The following APOB variants were observed in gnomAD, a reference collection of about 807,000 sequenced individuals.
APOB encodes the protein apolipoprotein B-100.
APOB carries 153 observed loss-of-function variants against 314.1 expected under a neutral mutation model. The observed-to-expected ratio is 0.49, with a 90% CI of 0.43 to 0.56. APOB has a LOEUF of 0.56. APOB is among the 20% of genes least tolerant of loss of function. The pLI, the probability that APOB is intolerant of heterozygous loss-of-function variation, is 0.00. For synonymous variants in APOB, 2,087 were observed against 2,036.4 expected, an observed-to-expected ratio of 1.02 and a Z score of -0.67; for missense variants, 5,430 against 5,350.7, an observed-to-expected ratio of 1.01 and a Z score of -0.46.
At chr2:21,013,685 G>T in intron 24 of APOB, 152 bp from the exon 25 acceptor site, 1 of 1,062,504 alleles carries the variant, frequency 9.4e-7, no homozygotes, top group Non-Finnish European at 1.4e-6. Context: ...GGACCCCTTT[G>T]CTTTTACCTC....
At chr2:21,036,041 A>G (rs1414987754) in intron 6 of APOB, among the ~76,000 whole-genome samples, 1 of 152,132 alleles carries the variant, frequency 6.6e-6, no homozygotes, top group African/African-American at 2.4e-5. Flanking sequence ...TCTTTCATTT[A>G]CATATTCTTT....
At chr2:21,012,738 C>G in intron 25 of APOB, 87 bp from the exon 26 acceptor site, 1 of 1,459,334 alleles carries the variant, frequency 6.9e-7, no homozygotes, top group Non-Finnish European at 9.4e-7. Context: ...AATAATAAAG[C>G]CCCATTTTTC....
chr2:21,027,176 G>T (rs991995262), intron 14 of APOB, among the ~76,000 whole-genome samples: 8 of 152,160 alleles, frequency 5.3e-5, no homozygotes, highest in Non-Finnish European at 1.2e-4. Flanking sequence ...GGCAGCTAAG[G>T]TTCAGATAGG....
At position 21,032,449 on chromosome 2, in the gene APOB, G is replaced by C. The variant is rs777520387; in HGVS notation, c.1257C>G (p.Pro419=). The change falls in exon 10 of 29, where the codon CCC becomes CCG. Residue 419 remains proline, a synonymous_variant. Coordinates refer to ENST00000233242, the MANE Select transcript of APOB (RefSeq NM_000384.3). ...DVVTYLVALI[P]EPSAQQLREI... is the part of the protein sequence containing the mutation. Reference sequence around the variant, plus strand: ...CTCGCAGCTGCTGTGCTGAGGGCTCGGGGATCAGGGCCACCAGGTAGGTGA... The same window carrying C: ...CTCGCAGCTGCTGTGCTGAGGGCTCCGGGATCAGGGCCACCAGGTAGGTGA... The C allele has an allele frequency of 6.2e-7, 1 of 1,614,006 alleles. No individual in the cohort carries two copies. The highest frequency in any genetic ancestry group is 1.1e-5 in the South Asian group (1 of 91,086).
rs1662995512 is a variant in APOB at position 21,002,090 on chromosome 2, C to T, written c.13332G>A (p.Leu4444=). 1.2e-6 allele frequency: 2 copies of T among 1,613,794 alleles called. No homozygotes were observed. The highest frequency in any genetic ancestry group is 2.2e-5 in the East Asian group (1 of 44,872). ...TAAGATATTCCTGAATATTTCTGTG[C>T]AGAAATTGCTCAACTTGACTTGAGA... ...SQLSSQVEQF[L]HRNIQEYLSI... The change falls in exon 29 of 29, where the codon CTG becomes CTA. Residue 4444 remains leucine, a synonymous_variant. Coordinates refer to ENST00000233242, the MANE Select transcript of APOB (RefSeq NM_000384.3).
rs371987644 is a variant in APOB, at chr2:21,016,525, T to G, written c.3246A>C (p.Glu1082Asp). The change falls in exon 21 of 29, where the codon GAA becomes GAC. Residue 1082 changes from glutamate (E) to aspartate (D), a missense_variant. By Grantham distance (45) the Glu-to-Asp change is conservative. Coordinates refer to ENST00000233242, the MANE Select transcript of APOB (RefSeq NM_000384.3). ...DLGTILRVND[E>D]STEGKTSYRL... The stretch of plus-strand genomic sequence containing the variant: ...TGTAAGACGTTTTGCCCTCAGTAGA[T>G]TCATCATTAACTCTGAGGATTGTTC... 1.8e-5 allele frequency: 29 copies of G among 1,606,082 alleles called. No homozygotes were observed. The highest frequency in any genetic ancestry group is 1.7e-4 in the Middle Eastern group (1 of 6,046).
intron 18 of APOB, among the ~76,000 whole-genome samples, chr2:21,022,422 G>T (rs1572792556): frequency 6.6e-6 from 1 of 152,106 alleles, no homozygotes; most frequent in Admixed American, 6.5e-5. Flanking sequence ...TACCTACCTA[G>T]CTACCTCAAA....
At position 21,011,865 on chromosome 2, in the gene APOB, T is replaced by A. The variant is rs1663332168; in HGVS notation, c.5003A>T (p.Glu1668Val). 6.2e-7 allele frequency: 1 copy of A among 1,614,000 alleles called. No homozygotes were observed. The highest frequency in any genetic ancestry group is 8.5e-7 in the Non-Finnish European group (1 of 1,180,022). The part of the protein sequence containing the change: ...TNLKCSLLVL[E>V]NELNAELGLS... ...GCCAAGCTCTGCATTCAGCTCATTC[T>A]CCAGCACCAGGAGACTACACTTCAA... The change falls in exon 26 of 29, where the codon GAG (glutamate) becomes GTG (valine). Residue 1668 changes from glutamate to valine, a missense_variant. Around this residue, in one of 3 missense-constraint regions of APOB, gnomAD observed 2,085 missense variants for 2,079.7 expected, o/e 1.00. Coordinates refer to ENST00000233242, the MANE Select transcript of APOB (RefSeq NM_000384.3).
intron 10 of APOB, among the ~76,000 whole-genome samples, chr2:21,031,340 A>G (rs138595027): frequency 6.6e-6 from 1 of 152,386 alleles, no homozygotes; most frequent in East Asian, 1.9e-4. Context: ...TAAGTGAAAC[A>G]GGACAGTCAC....
chr2:21,005,522 G>T lies in APOB; in HGVS notation c.11346C>A (p.Asn3782Lys). 2 of 1,614,030 alleles carry T rather than the reference G, an allele frequency of 1.2e-6. No individual in the cohort carries two copies. The highest frequency in any genetic ancestry group is 1.7e-6 in the Non-Finnish European group (2 of 1,179,966). Reference protein sequence around the residue: ...KKLRTSSFALNLPTLPEVKFP... With the variant: ...KKLRTSSFALKLPTLPEVKFP... ...ATTTTACCTCGGGGAGTGTTGGTAG[G>T]TTGAGGGCAAATGATGAAGTTCTCA... The change falls in exon 26 of 29, where the codon AAC becomes AAA. Residue 3782 changes from asparagine to lysine, a missense_variant. Transcript: ENST00000233242.
rs186200586 is a variant in APOB, at chr2:21,025,613, A to G, written c.2245-489T>C. 4.4e-4 allele frequency among the ~76,000 whole-genome samples: 66 copies of G among 150,212 alleles called. 1 individual carries two copies. The highest frequency in any genetic ancestry group is 1.7e-3 in the South Asian group (8 of 4,706). ...CAGAGATGGATGCCCAGGCATTGGG[A>G]AAAAAAAAATGTGAAACTGACAGAC... On this transcript the variant is annotated intron_variant, in intron 15 of 28. Transcript: ENST00000233242.
At position 21,003,282 on chromosome 2, in the gene APOB, T is replaced by TCCC; in HGVS notation, c.12137_12139dup (p.Arg4046_Glu4047insGly). ...TTTGATCTGAGTTTCCTCATCAGATTCCCGGACCCTCAACTCAGTTTTGAA... is the reference window on the plus strand; with the variant it reads ...TTTGATCTGAGTTTCCTCATCAGATTCCCCCCGGACCCTCAACTCAGTTTTGAA... On this transcript the variant is annotated inframe_insertion, in exon 29 of 29. Coordinates refer to ENST00000233242, the MANE Select transcript of APOB (RefSeq NM_000384.3). 6.2e-7 allele frequency: 1 copy of TCCC among 1,613,806 alleles called. No homozygotes were observed. The highest frequency in any genetic ancestry group is 8.5e-7 in the Non-Finnish European group (1 of 1,179,896).
chr2:21,036,289 G>A (rs1425399984), intron 6 of APOB, among the ~76,000 whole-genome samples: 2 of 152,170 alleles, frequency 1.3e-5, no homozygotes, highest in East Asian at 3.8e-4. Flanking sequence ...GCTGCCCAGA[G>A]TGGGGTTGAG....
chr2:21,041,494 T>A (rs555780069), intron 3 of APOB, among the ~76,000 whole-genome samples: 1 of 152,328 alleles, frequency 6.6e-6, no homozygotes, highest in Admixed American at 6.5e-5. Flanking sequence ...GTCTCCTTAA[T>A]GTCACCCAAA....
intron 7 of APOB, 63 bp downstream of exon 7, chr2:21,035,521 G>A: frequency 6.3e-7 from 1 of 1,597,130 alleles, no homozygotes; most frequent in South Asian, 1.1e-5. Flanking sequence ...CAGAGCACTT[G>A]AGAAGTGTTC....
rs1663903121 is a variant in APOB at position 21,032,421 on chromosome 2, T to G, written c.1285A>C (p.Ile429Leu). 6.2e-7 allele frequency: 1 copy of G among 1,614,094 alleles called. No homozygotes were observed. Residue 429 changes from isoleucine to leucine, a missense_variant, in exon 10 of 29, where the codon ATC (isoleucine) becomes CTC (leucine). By Grantham distance (5) the Ile-to-Leu change is conservative (BLOSUM62 2). Coordinates refer to ENST00000233242, the MANE Select transcript of APOB (RefSeq NM_000384.3). ...PEPSAQQLRE[I>L]FNMARDQRSR... is the part of the protein sequence containing the mutation. ...CGCTGATCCCTCGCCATGTTGAAGATCTCTCGCAGCTGCTGTGCTGAGGGC... is the reference window on the plus strand; with the variant it reads ...CGCTGATCCCTCGCCATGTTGAAGAGCTCTCGCAGCTGCTGTGCTGAGGGC...
intron 25 of APOB, 78 bp from the exon 26 acceptor site, chr2:21,012,729 A>G: frequency 4.0e-6 from 6 of 1,507,078 alleles, no homozygotes; most frequent in South Asian, 1.2e-5. Context: ...AAGTCTTTCA[A>G]TAATAAAGCC....
Position 21,024,914 on chromosome 2 carries a change from G to C in APOB, c.2436+19C>G. The C allele has an allele frequency of 6.2e-7, 1 of 1,613,604 alleles. No individual in the cohort carries two copies. The highest frequency in any genetic ancestry group is 1.7e-4 in the Middle Eastern group (1 of 6,060). On this transcript the variant is annotated intron_variant, in intron 16 of 28. Transcript: ENST00000233242. ...CAACGTCTGGTCTCATGGGCCCCCA[G>C]TGGGGCCTGCTGACTTACCATCTGG...
In APOB at chr2:21,010,253, G is replaced by T. The variant is rs1663269450; in HGVS notation, c.6615C>A (p.Ile2205=). ...CATCAAGACTTTTTAATTTTTCAAT[G>T]ATTTCATCAATAATATTAGCAATAG... The part of the protein sequence containing the change: ...KIAIANIIDE[I]IEKLKSLDEH... Residue 2205 remains isoleucine (I), a synonymous_variant, in exon 26 of 29, where the codon ATC becomes ATA. Coordinates refer to ENST00000233242, the MANE Select transcript of APOB (RefSeq NM_000384.3). The T allele has an allele frequency of 6.4e-7, 1 of 1,555,994 alleles. No homozygotes were observed. Among genetic ancestry groups the T allele is most frequent in the South Asian group, 1.2e-5 (1 of 81,528 alleles).
Sources: allele counts gnomAD v4.1 joint callset (sites outside exome capture counted in the v4.1 genomes callset), GRCh38; gene constraint gnomAD v4.1.1; regional missense constraint gnomAD v4.1.1; transcripts MANE v1.5; gene names NCBI Gene and HGNC (gene_info 2026-07-23, HGNC 2026-07-21).